The following CTNNA2 variants were observed in gnomAD, a reference collection of about 807,000 sequenced individuals.
The protein encoded by CTNNA2 is catenin alpha 2.
CTNNA2 carries 42 observed loss-of-function variants against 101.0 expected under a neutral mutation model. The ratio of observed to expected loss-of-function variants is 0.42; its 90% CI spans 0.32 to 0.54. CTNNA2 has a LOEUF of 0.54. Ranked by LOEUF, CTNNA2 falls within the 20% of genes least tolerant of loss-of-function variation. The pLI is 0.14. For missense variants in CTNNA2, 871 were observed against 1,223.1 expected, an observed-to-expected ratio of 0.71 and a Z score of 4.29; for synonymous variants, 450 against 456.4, an observed-to-expected ratio of 0.99 and a Z score of 0.18.
intron 6 of CTNNA2, among the ~76,000 whole-genome samples, chr2:79,885,581 T>C (rs1453497153): frequency 6.6e-6 from 1 of 152,240 alleles, no homozygotes; most frequent in Non-Finnish European, 1.5e-5. Context: ...AATATACTTA[T>C]TTATCAGGGA....
intron 2 of CTNNA2, among the ~76,000 whole-genome samples, chr2:79,212,940 A>T (rs1400716316): frequency 6.6e-6 from 1 of 152,212 alleles, no homozygotes; most frequent in East Asian, 1.9e-4. Context: ...ATAGATTTCC[A>T]TGATGCAAAG....
intron 13 of CTNNA2, among the ~76,000 whole-genome samples, chr2:80,581,203 G>A (rs1695507044): frequency 2.0e-5 from 3 of 152,062 alleles, no homozygotes; most frequent in Admixed American, 2.0e-4. Flanking sequence ...GAGCACATAG[G>A]GGCTCATATT....
intron 3 of CTNNA2, among the ~76,000 whole-genome samples, chr2:79,842,213 G>A (rs1679873549): frequency 6.6e-6 from 1 of 152,138 alleles, no homozygotes; most frequent in African/African-American, 2.4e-5. Flanking sequence ...ATATAACCAT[G>A]TGTGTTATTT....
intron 3 of CTNNA2, among the ~76,000 whole-genome samples, chr2:79,790,233 G>A (rs1044206309): frequency 1.1e-4 from 16 of 152,232 alleles, no homozygotes; most frequent in Non-Finnish European, 1.6e-4. Flanking sequence ...AGGAATTTCC[G>A]CTAGGAACTG....
chr2:80,384,837 T>A (rs1267343567), intron 7 of CTNNA2, among the ~76,000 whole-genome samples: 1 of 152,086 alleles, frequency 6.6e-6, no homozygotes, highest in Non-Finnish European at 1.5e-5. Flanking sequence ...TCTGCCCTGA[T>A]ACCCACCACT....
At chr2:79,761,475 G>A (rs1287415928) in intron 3 of CTNNA2, among the ~76,000 whole-genome samples, 5 of 152,052 alleles carry the variant, frequency 3.3e-5, no homozygotes, top group Admixed American at 1.3e-4. Flanking sequence ...TTGTGCTCTC[G>A]TGAATGGAGT....
At chr2:80,562,162 C>T (rs1693663770) in intron 12 of CTNNA2, among the ~76,000 whole-genome samples, 1 of 131,900 alleles carries the variant, frequency 7.6e-6, no homozygotes, top group Non-Finnish European at 1.8e-5. Context: ...ACCAGGTTAC[C>T]AGTATTTTCA....
chr2:80,406,306 C>G (rs1460626408), intron 8 of CTNNA2, among the ~76,000 whole-genome samples: 1 of 151,284 alleles, frequency 6.6e-6, no homozygotes, highest in Non-Finnish European at 1.5e-5. Flanking sequence ...TGCACTCCAG[C>G]CTGGGCGACA....
At chr2:79,367,218 G>A (rs1677770294) in intron 3 of CTNNA2, among the ~76,000 whole-genome samples, 1 of 152,160 alleles carries the variant, frequency 6.6e-6, no homozygotes, top group Non-Finnish European at 1.5e-5. Context: ...CCAGGAAAAG[G>A]GCCCTTACCA....
chr2:80,108,145 A>AC (rs1470567257), intron 7 of CTNNA2, among the ~76,000 whole-genome samples: 2 of 152,192 alleles, frequency 1.3e-5, no homozygotes, highest in East Asian at 3.9e-4. Flanking sequence ...CAGAGTAAAA[A>AC]ACCAAAGGAA....
At chr2:79,223,050 C>T (rs1442246662) in intron 2 of CTNNA2, among the ~76,000 whole-genome samples, 1 of 152,132 alleles carries the variant, frequency 6.6e-6, no homozygotes, top group Non-Finnish European at 1.5e-5. Flanking sequence ...GTCCCAGCTA[C>T]TCGAGAGTCT....
At chr2:80,105,049 C>T (rs901862087) in intron 7 of CTNNA2, among the ~76,000 whole-genome samples, 2 of 152,116 alleles carry the variant, frequency 1.3e-5, no homozygotes, top group Non-Finnish European at 2.9e-5. Context: ...TTGAAAGTTT[C>T]GTGCTTCTTC....
chr2:79,769,213 C>T (rs1673398104), intron 3 of CTNNA2, among the ~76,000 whole-genome samples: 2 of 152,082 alleles, frequency 1.3e-5, no homozygotes, highest in Admixed American at 6.5e-5. Flanking sequence ...TAAAAAATGT[C>T]CAAAAATGTT....
At chr2:80,149,774 T>TCTCACACACACACACA (rs377159450) in intron 7 of CTNNA2, among the ~76,000 whole-genome samples, 101 of 143,390 alleles carry the variant, frequency 7.0e-4, no homozygotes, top group African/African-American at 2.4e-3. Context: ...TTAGAATGGA[T>TCTCACACACACACACA]CACACACACA....
chr2:79,413,199 G>T (rs1450568563), intron 4 of CTNNA2, among the ~76,000 whole-genome samples: 1 of 151,710 alleles, frequency 6.6e-6, no homozygotes, highest in Non-Finnish European at 1.5e-5. Context: ...GTGGTTCTGG[G>T]AAAAAATGGA....
chr2:79,391,378 T>G (rs1678170095), intron 4 of CTNNA2, among the ~76,000 whole-genome samples: 1 of 152,194 alleles, frequency 6.6e-6, no homozygotes, highest in Admixed American at 6.6e-5. Flanking sequence ...TTTTCTTTCT[T>G]TATTTTCTTA....
chr2:79,913,836 G>C (rs779242836), intron 7 of CTNNA2, among the ~76,000 whole-genome samples: 15 of 152,152 alleles, frequency 9.9e-5, no homozygotes, highest in Non-Finnish European at 2.1e-4. Flanking sequence ...ATTTGGTTTT[G>C]GTTGCACAGG....
chr2:80,273,697 A>G (rs540068295), intron 7 of CTNNA2, among the ~76,000 whole-genome samples: 1 of 152,098 alleles, frequency 6.6e-6, no homozygotes, highest in South Asian at 2.1e-4. Context: ...CTCCTGCCTC[A>G]GGAGCTTTGC....
At chr2:80,232,125 C>T (rs992370389) in intron 7 of CTNNA2, among the ~76,000 whole-genome samples, 1 of 152,080 alleles carries the variant, frequency 6.6e-6, no homozygotes, top group Non-Finnish European at 1.5e-5. Flanking sequence ...TCAAGTTGTC[C>T]TACCTTTCTG....
Sources: gnomAD v4.1 joint callset for allele counts (sites outside exome capture counted in the v4.1 genomes callset) on GRCh38, gnomAD v4.1.1 for gene constraint, MANE v1.5 for transcripts, NCBI Gene and HGNC (gene_info 2026-07-23, HGNC 2026-07-21) for gene names.